Variants in CFH observed in about 807,000 individuals in gnomAD.
CFH encodes the protein H factor 1 (complement).
CFH carries 53 observed loss-of-function variants against 147.3 expected under a neutral mutation model. That is an observed-to-expected ratio of 0.36 (90% CI 0.29 to 0.45). The LOEUF (loss-of-function observed/expected upper bound fraction) is 0.45, where lower values mean the gene tolerates loss of function less well. Ranked by LOEUF, CFH falls within the 20% of genes least tolerant of loss-of-function variation. The probability of loss-of-function intolerance (pLI) is 1.00; values close to 1 mark genes in which losing one functional copy is unlikely to be tolerated. For synonymous variants in CFH, 536 were observed against 489.4 expected (o/e 1.10, Z -1.26); for missense variants, 1,380 against 1,498.0 (o/e 0.92, Z 1.30).
intron 15 of CFH, among the ~76,000 whole-genome samples, chr1:196,732,320 T>C (rs1169135700): frequency 6.6e-6 from 1 of 152,010 alleles, no homozygotes; most frequent in Non-Finnish European, 1.5e-5. Context: ...ATTCTCAAAT[T>C]TGTGATTTTT....
intron 15 of CFH, among the ~76,000 whole-genome samples, 192 bp downstream of exon 15, chr1:196,728,714 AAC>A (rs374176162): frequency 3.2e-3 from 463 of 145,028 alleles, no homozygotes; most frequent in African/African-American, 9.2e-3. Context: ...CTTTAGTATA[AAC>A]ACACACACAC....
intron 3 of CFH, among the ~76,000 whole-genome samples, chr1:196,674,977 AC>A (rs1475552676): frequency 6.6e-6 from 1 of 152,130 alleles, no homozygotes; most frequent in Non-Finnish European, 1.5e-5. Context: ...CTTAGTCACT[AC>A]CTGAGGGAGG....
At chr1:196,665,637 T>C (rs1667056352) in intron 1 of CFH, among the ~76,000 whole-genome samples, 1 of 152,162 alleles carries the variant, frequency 6.6e-6, no homozygotes, top group South Asian at 2.1e-4. Context: ...GACAGAGCTT[T>C]GCTCTTGTTG....
intron 1 of CFH, among the ~76,000 whole-genome samples, chr1:196,661,233 G>A (rs149671780): frequency 2.0e-5 from 3 of 152,266 alleles, no homozygotes; most frequent in African/African-American, 4.8e-5. Flanking sequence ...GGGAAAATTA[G>A]TGCCCATAAA....
At chr1:196,686,600 T>C (rs770634320) in intron 7 of CFH, among the ~76,000 whole-genome samples, 2 of 152,160 alleles carry the variant, frequency 1.3e-5, no homozygotes, top group Non-Finnish European at 2.9e-5. Context: ...GATTGATTAA[T>C]GACTTCAACT....
At chr1:196,709,594 A>G (rs1668677242) in intron 9 of CFH, among the ~76,000 whole-genome samples, 1 of 152,174 alleles carries the variant, frequency 6.6e-6, no homozygotes, top group South Asian at 2.1e-4. Context: ...TTCAACTATG[A>G]TTTCAGGAAA....
chr1:196,715,918 G>T, intron 11 of CFH, 149 bp downstream of exon 11: 1 of 688,076 alleles, frequency 1.5e-6, no homozygotes. Flanking sequence ...GGAAAAGAAG[G>T]GAGTTTTGAA....
At chr1:196,665,280 A>ATG (rs1667041926) in intron 1 of CFH, among the ~76,000 whole-genome samples, 1 of 151,150 alleles carries the variant, frequency 6.6e-6, no homozygotes, top group African/African-American at 2.4e-5. Context: ...CAAAGTTTTA[A>ATG]TGTGTATATG....
chr1:196,704,667 C>T (rs1668544192), intron 9 of CFH, among the ~76,000 whole-genome samples: 1 of 152,202 alleles, frequency 6.6e-6, no homozygotes, highest in African/African-American at 2.4e-5. Flanking sequence ...AAATCTAAAG[C>T]AGCGCCCTTT....
chr1:196,661,305 G>T (rs114940395), intron 1 of CFH, among the ~76,000 whole-genome samples: 1,837 of 152,158 alleles, frequency 0.012, 44 homozygotes, highest in African/African-American at 0.042. Context: ...ATGAAATATT[G>T]CAAAATGTTT....
At chr1:196,696,198 A>G (rs1156946005) in intron 9 of CFH, among the ~76,000 whole-genome samples, 5 of 152,122 alleles carry the variant, frequency 3.3e-5, no homozygotes, top group African/African-American at 9.7e-5. Context: ...AAGATCGACC[A>G]TATAATTGGA....
chr1:196,662,761 A>G (rs1036148332), intron 1 of CFH, among the ~76,000 whole-genome samples: 9 of 152,052 alleles, frequency 5.9e-5, no homozygotes, highest in African/African-American at 2.2e-4. Context: ...TTGTGACTGT[A>G]GTCACAGCTA....
At chr1:196,739,998 AAGG>A (rs1160038494) in intron 17 of CFH, among the ~76,000 whole-genome samples, 1 of 152,174 alleles carries the variant, frequency 6.6e-6, no homozygotes, top group East Asian at 1.9e-4. Context: ...TGATGACAGG[AAGG>A]AGAAGTGCAA....
chr1:196,687,905 G>A (rs898648823), intron 7 of CFH, among the ~76,000 whole-genome samples: 1 of 151,914 alleles, frequency 6.6e-6, no homozygotes, highest in Non-Finnish European at 1.5e-5. Context: ...ACTGAAAGAA[G>A]TATCATTCAC....
chr1:196,653,124 C>T (rs926728314), intron 1 of CFH, among the ~76,000 whole-genome samples: 1 of 151,684 alleles, frequency 6.6e-6, no homozygotes, highest in Non-Finnish European at 1.5e-5. Flanking sequence ...ATACAAATCT[C>T]TGTTTCAGTC....
At chr1:196,676,596 T>C (rs1230840891) in intron 4 of CFH, among the ~76,000 whole-genome samples, 2 of 152,144 alleles carry the variant, frequency 1.3e-5, no homozygotes, top group African/African-American at 2.4e-5. Flanking sequence ...ATGTAGATTC[T>C]GTTTTCATGT....
chr1:196,717,315 A>G (rs1668894289), intron 11 of CFH, among the ~76,000 whole-genome samples: 1 of 152,104 alleles, frequency 6.6e-6, no homozygotes, highest in Non-Finnish European at 1.5e-5. Context: ...CTAATATTTC[A>G]AAGGATTGTG....
chr1:196,677,244 G>A lies in CFH; in HGVS notation c.428-232G>A, dbSNP rs918751146. ...TACTACAAAAATACAAGCTAGCATT[G>A]AAAGTAGTAATTTTCATTGTCCACT... On this transcript the variant is annotated intron_variant, in intron 4 of 21. Transcript: ENST00000367429. 73 of 447,374 alleles carry A rather than the reference G, an allele frequency of 1.6e-4. No individual in the cohort carries two copies. In the South Asian group the frequency reaches 2.1e-3, roughly 13 times the overall value. The allele number at this position is 447,374 out of a possible 1,614,324, so 27.7% of individuals were successfully genotyped here. A position where few individuals can be genotyped will look rare whatever the true frequency, so the allele number is the denominator to read the frequency against.
intron 17 of CFH, 103 bp from the exon 18 acceptor site, chr1:196,740,516 T>C (rs1652774238): frequency 1.8e-6 from 2 of 1,115,754 alleles, no homozygotes; most frequent in African/African-American, 3.1e-5. Context: ...TCATAGTAGC[T>C]CCTGTATTGT....
Sources: allele counts gnomAD v4.1 joint callset (sites outside exome capture counted in the v4.1 genomes callset), GRCh38; gene constraint gnomAD v4.1.1; transcripts MANE v1.5; gene names NCBI Gene and HGNC (gene_info 2026-07-23, HGNC 2026-07-21).